The following VPS13D variants were observed in gnomAD, a reference collection of about 807,000 sequenced individuals.
The protein encoded by VPS13D is intermembrane lipid transfer protein VPS13D.
A neutral mutation model predicts 461.9 loss-of-function variants in VPS13D; 187 were observed. The observed-to-expected ratio is 0.40, with a 90% CI of 0.36 to 0.46. The LOEUF (loss-of-function observed/expected upper bound fraction) is 0.46. Ranked by LOEUF, VPS13D falls within the 20% of genes least tolerant of loss-of-function variation. The pLI, the probability that VPS13D is intolerant of heterozygous loss-of-function variation, is 0.60. For missense variants in VPS13D, 4,711 were observed against 5,364.9 expected (o/e 0.88, Z 3.81); for synonymous variants, 1,951 against 1,986.3 (o/e 0.98, Z 0.47).
At chr1:12,271,411 G>A (rs369245494) in intron 17 of VPS13D, among the ~76,000 whole-genome samples, 3 of 152,280 alleles carry the variant, frequency 2.0e-5, no homozygotes, top group East Asian at 3.9e-4. Context: ...GCTCACACCT[G>A]TAATCCCAGC....
intron 67 of VPS13D, chr1:12,465,207 T>C (rs1645466427): frequency 6.6e-6 from 1 of 152,246 alleles, no homozygotes; most frequent in African/African-American, 2.4e-5. Context: ...TGTTTGTTTC[T>C]CCAAATACCA....
At chr1:12,421,613 A>G (rs1570139987) in intron 65 of VPS13D, among the ~76,000 whole-genome samples, 2 of 152,204 alleles carry the variant, frequency 1.3e-5, no homozygotes, top group African/African-American at 4.8e-5. Context: ...TAAATAAAGT[A>G]CTTCTTAAAT....
chr1:12,508,905 T>G lies in VPS13D; in HGVS notation c.13048T>G (p.Ser4350Ala). Residue 4350 changes from serine (S) to alanine (A), a missense_variant, in exon 70 of 70, where the codon TCT (serine) becomes GCT (alanine). Transcript: ENST00000620676. Reference sequence around the variant, plus strand: ...TTCTCCTCCTTAGGTCCATGTGAAATCTGAGGTCCTTGCTGTCAAGTTGTC... The same window carrying G: ...TTCTCCTCCTTAGGTCCATGTGAAAGCTGAGGTCCTTGCTGTCAAGTTGTC... The part of the protein sequence containing the change: ...SHQKPMVHVK[S>A]EVLAVKLSQE... The G allele has an allele frequency of 6.2e-7, 1 of 1,614,074 alleles. No homozygotes were observed. Among genetic ancestry groups the G allele is most frequent in the Non-Finnish European group, 8.5e-7 (1 of 1,179,986 alleles).
chr1:12,282,088 A>G (rs751516186), intron 20 of VPS13D, among the ~76,000 whole-genome samples: 2 of 152,078 alleles, frequency 1.3e-5, no homozygotes, highest in Non-Finnish European at 2.9e-5. Context: ...GAGTTTCACC[A>G]TGTAGCCCAA....
chr1:12,404,739 T>A (rs1424773569), intron 63 of VPS13D, among the ~76,000 whole-genome samples: 1 of 152,142 alleles, frequency 6.6e-6, no homozygotes, highest in East Asian at 1.9e-4. Flanking sequence ...TGTACTTGCT[T>A]GGTAGACAGG....
At chr1:12,362,682 C>T (rs1311021104) in intron 50 of VPS13D, 38 bp from the exon 51 acceptor site, 1 of 1,599,246 alleles carries the variant, frequency 6.3e-7, no homozygotes, top group South Asian at 1.1e-5. Context: ...TTTCTCTCTT[C>T]ATGGTTAACT....
chr1:12,378,540 A>G lies in VPS13D; in HGVS notation c.11030A>G (p.Glu3677Gly). The change falls in exon 56 of 70, where the codon GAG becomes GGG. Residue 3677 changes from glutamate (E) to glycine (G), a missense_variant. This residue lies in a region of VPS13D where 4,411 missense variants were observed against 4,937.8 expected (regional missense o/e 0.89). Coordinates refer to ENST00000620676, the MANE Select transcript of VPS13D (RefSeq NM_015378.4). ...PNKPSAARST[E>G]GSAILDIAGL... ...AAGCCCTCAGCCGCCCGCTCCACCG[A>G]GGGGTCTGCCATCTTAGATATTGCT... The G allele has an allele frequency of 6.2e-7, 1 of 1,611,280 alleles. No individual in the cohort carries two copies. The highest frequency in any genetic ancestry group is 2.2e-5 in the East Asian group (1 of 44,560).
chr1:12,338,008 G>T, intron 39 of VPS13D: 7 of 378,432 alleles, frequency 1.8e-5, no homozygotes, highest in East Asian at 4.1e-5. Flanking sequence ...AAAAAAGCAT[G>T]TTACTTTGAT....
chr1:12,347,422 G>C (rs111862054), intron 44 of VPS13D, among the ~76,000 whole-genome samples: 1 of 152,236 alleles, frequency 6.6e-6, no homozygotes, highest in East Asian at 1.9e-4. Context: ...TGCCTGCCTC[G>C]GCCTCCCAGA....
At chr1:12,470,337 G>C (rs575221533) in intron 67 of VPS13D, among the ~76,000 whole-genome samples, 5 of 152,334 alleles carry the variant, frequency 3.3e-5, no homozygotes, top group African/African-American at 9.6e-5. Flanking sequence ...ATTGACCCCA[G>C]CAGCACAGTT....
chr1:12,420,934 C>A (rs940300745), intron 65 of VPS13D, among the ~76,000 whole-genome samples: 2 of 152,134 alleles, frequency 1.3e-5, no homozygotes, highest in Non-Finnish European at 2.9e-5. Context: ...TGGATAGATG[C>A]ACAAATTTTA....
chr1:12,259,382 CT>C, intron 10 of VPS13D, among the ~76,000 whole-genome samples: 1 of 149,584 alleles, frequency 6.7e-6, no homozygotes, highest in Admixed American at 6.8e-5. Context: ...GTGGTGCAAT[CT>C]TGGCTCACTG....
In VPS13D at chr1:12,282,725, A is replaced by G. The variant is rs1369092793; in HGVS notation, c.4623A>G (p.Val1541=). 3.7e-6 allele frequency: 6 copies of G among 1,610,036 alleles called. No individual in the cohort carries two copies. In the South Asian group the frequency reaches 5.5e-5, roughly 15 times the overall value. The change falls in exon 21 of 70, where the codon GTA becomes GTG. Residue 1541 remains valine, a synonymous_variant. Coordinates refer to ENST00000620676, the MANE Select transcript of VPS13D (RefSeq NM_015378.4). ...NPVQVVLAKH[V]YEQVLQTLDN... ...TACAGGTGGTGTTAGCAAAGCATGT[A>G]TATGAGCAGGTTTTACAAACCCTGG...
At chr1:12,479,452 T>C (rs1177736882) in intron 67 of VPS13D, among the ~76,000 whole-genome samples, 3 of 152,216 alleles carry the variant, frequency 2.0e-5, no homozygotes, top group Non-Finnish European at 1.5e-5. Context: ...GCTGCAGAAA[T>C]TGATCCAAAA....
chr1:12,294,725 T>C (rs1489489231), intron 24 of VPS13D, among the ~76,000 whole-genome samples: 1 of 151,968 alleles, frequency 6.6e-6, no homozygotes, highest in Admixed American at 6.6e-5. Context: ...GGCAGGAGAA[T>C]CGCTTGAACC....
At chr1:12,463,693 T>A (rs1021288628) in intron 67 of VPS13D, among the ~76,000 whole-genome samples, 1 of 152,104 alleles carries the variant, frequency 6.6e-6, no homozygotes, top group African/African-American at 2.4e-5. Context: ...AGGTTGAGGC[T>A]GCAGTGAGCT....
At chr1:12,367,531 ATT>A (rs1281258064) in intron 52 of VPS13D, 1 of 149,362 alleles carries the variant, frequency 6.7e-6, no homozygotes, top group African/African-American at 2.5e-5. Flanking sequence ...TGAATCACTT[ATT>A]ACATTGGTGG....
chr1:12,415,185 G>A lies in VPS13D; in HGVS notation c.12129G>A (p.Glu4043=). ...FTRVHPYETK[E]FIINDILKHF... is the part of the protein sequence containing the mutation. ...GGGTACATCCCTATGAGACCAAGGA[G>A]TTCATCATCAATGATATCCTCAAAC... is the stretch of plus-strand genomic sequence containing the variant. The change falls in exon 64 of 70, where the codon GAG becomes GAA. Residue 4043 remains glutamate, a synonymous_variant. Transcript: ENST00000620676. The A allele has an allele frequency of 6.2e-7, 1 of 1,614,120 alleles. No individual in the cohort carries two copies. The highest frequency in any genetic ancestry group is 1.1e-5 in the South Asian group (1 of 91,072).
intron 6 of VPS13D, among the ~76,000 whole-genome samples, chr1:12,251,838 A>G (rs1203886547): frequency 6.6e-6 from 1 of 152,196 alleles, no homozygotes; most frequent in Non-Finnish European, 1.5e-5. Context: ...GGATTTGATA[A>G]CCAGGGCAGC....
Sources: allele counts gnomAD v4.1 joint callset (sites outside exome capture counted in the v4.1 genomes callset), GRCh38; gene constraint gnomAD v4.1.1; regional missense constraint gnomAD v4.1.1; transcripts MANE v1.5; gene names NCBI Gene and HGNC (gene_info 2026-07-23, HGNC 2026-07-21).